Variants in TMPRSS5 observed in about 807,000 individuals in gnomAD.
TMPRSS5 encodes the protein transmembrane serine protease 5.
In TMPRSS5, 45 loss-of-function variants were observed where a neutral mutation model predicts 59.7. That is an observed-to-expected ratio of 0.75 (90% CI 0.59 to 0.97). The LOEUF is 0.97. Among genes scored for constraint, TMPRSS5 ranks in the 50% least tolerant of loss-of-function variants. TMPRSS5 has a pLI of 0.00. For missense variants in TMPRSS5, 585 were observed against 596.7 expected (o/e 0.98, Z 0.20); for synonymous variants, 225 against 232.0 (o/e 0.97, Z 0.27).
Position 113,688,186 on chromosome 11 carries a change from A to C in TMPRSS5, c.*74T>G, listed in dbSNP as rs1433692654. 6.5e-7 allele frequency: 1 copy of C among 1,537,252 alleles called. No individual in the cohort carries two copies. Among genetic ancestry groups the C allele is most frequent in the Non-Finnish European group, 8.8e-7 (1 of 1,142,204 alleles). On this transcript the variant is annotated 3_prime_UTR_variant, in exon 13 of 13. Coordinates refer to ENST00000299882, the MANE Select transcript of TMPRSS5 (RefSeq NM_030770.4). The stretch of plus-strand genomic sequence containing the variant: ...TGTCGGAGGCTACTGCCTCTCCTCC[A>C]TTAGTGGAGCTGCTGGAGGCCCCAG...
In TMPRSS5 at chr11:113,690,940, C is replaced by T. The variant is rs951272254; in HGVS notation, c.965-1G>A. 2 of 1,580,984 alleles carry T rather than the reference C, an allele frequency of 1.3e-6. No homozygotes were observed. Among genetic ancestry groups the T allele is most frequent in the Non-Finnish European group, 1.7e-6 (2 of 1,163,850 alleles). On this transcript the variant is annotated splice_acceptor_variant, in intron 9 of 12. Coordinates refer to ENST00000299882, the MANE Select transcript of TMPRSS5 (RefSeq NM_030770.4). LOFTEE classifies it high-confidence loss of function. The stretch of plus-strand genomic sequence containing the variant: ...GGCAGGCACACAGCGCCCACAGTGT[C>T]TGTAGAGAGGCACATGGTCCTGGTC...
At chr11:113,701,705 G>C (rs756917322) in intron 1 of TMPRSS5, among the ~76,000 whole-genome samples, 11 of 151,918 alleles carry the variant, frequency 7.2e-5, no homozygotes, top group Admixed American at 2.0e-4. Flanking sequence ...TCACTGATCT[G>C]TTTCTCTCAC....
chr11:113,700,685 C>T (rs1181032714), intron 1 of TMPRSS5, among the ~76,000 whole-genome samples: 3 of 152,190 alleles, frequency 2.0e-5, no homozygotes, highest in Admixed American at 1.3e-4. Context: ...GACCACTCCC[C>T]ACTCTGACTG....
At chr11:113,695,288 G>T in intron 7 of TMPRSS5, 112 bp downstream of exon 7, 1 of 1,188,810 alleles carries the variant, frequency 8.4e-7, no homozygotes. Flanking sequence ...AGGTGGGCAA[G>T]ACCCCTACCC....
At chr11:113,693,398 T>A (rs940664345) in intron 8 of TMPRSS5, 149 bp from the exon 9 acceptor site, 1 of 810,632 alleles carries the variant, frequency 1.2e-6, no homozygotes, top group African/African-American at 1.7e-5. Context: ...AGACTATGCC[T>A]CTTAGTATCA....
chr11:113,693,191 C>T lies in TMPRSS5; in HGVS notation c.844G>A (p.Ala282Thr). 6.2e-7 allele frequency: 1 copy of T among 1,600,174 alleles called. No homozygotes were observed. Among genetic ancestry groups the T allele is most frequent in the Non-Finnish European group, 8.5e-7 (1 of 1,173,376 alleles). The change falls in exon 9 of 13, where the codon GCC (alanine) becomes ACC (threonine). Residue 282 changes from alanine (A) to threonine (T), a missense_variant. Transcript: ENST00000299882. ...AGAGCCCCTTGGTGGGGCCTGACGG[C>T]ACTGTGGCTGACCAGCCCCGCATGA... ...RVHAGLVSHS[A>T]VRPHQGALVE...
intron 1 of TMPRSS5, among the ~76,000 whole-genome samples, chr11:113,705,944 T>C (rs17533620): frequency 0.042 from 6,453 of 152,296 alleles, 183 homozygotes; most frequent in Non-Finnish European, 0.065. Context: ...CTTGCTCCTC[T>C]TTTTGAGTGG....
chr11:113,690,866 G>T lies in TMPRSS5; in HGVS notation c.1038C>A (p.Gly346=). 1 of 1,593,884 alleles carries T rather than the reference G, an allele frequency of 6.3e-7. No homozygotes were observed. Among genetic ancestry groups the T allele is most frequent in the Admixed American group, 1.8e-5 (1 of 56,706 alleles). The stretch of plus-strand genomic sequence containing the variant: ...TATGGCTAGGGTGGGTGTGGCCCCA[G>T]CCAGACACCCAGCACCGCGAGCCCT... The part of the protein sequence containing the change: ...FPKGSRCWVS[G]WGHTHPSHTY... The change falls in exon 10 of 13, where the codon GGC becomes GGA. Residue 346 remains glycine (G), a synonymous_variant. Transcript: ENST00000299882.
At chr11:113,703,873 T>G (rs1441454865) in intron 1 of TMPRSS5, among the ~76,000 whole-genome samples, 1 of 152,328 alleles carries the variant, frequency 6.6e-6, no homozygotes, top group Non-Finnish European at 1.5e-5. Flanking sequence ...GAACTATGAG[T>G]CAATTAAATC....
At position 113,698,909 on chromosome 11, in the gene TMPRSS5, T is replaced by A. The variant is rs1953006651; in HGVS notation, c.324A>T (p.Lys108Asn). Residue 108 changes from lysine (K) to asparagine (N), a missense_variant, in exon 4 of 13, where the codon AAA becomes AAT. By Grantham distance (94) the Lys-to-Asn change is moderately conservative. Coordinates refer to ENST00000299882, the MANE Select transcript of TMPRSS5 (RefSeq NM_030770.4). ...AEEALLPALP[K>N]TVSFRINSED... ...AGCCTTAGGGGTGCAGCCCACCTGT[T>A]TTGGGAAGTGCAGGGAGCAGAGCTT... is the stretch of plus-strand genomic sequence containing the variant. 6.3e-7 allele frequency: 1 copy of A among 1,586,888 alleles called. No homozygotes were observed.
rs540052436 is a variant in TMPRSS5 at position 113,701,035 on chromosome 11, G to A, written c.4-867C>T. Among the ~76,000 whole-genome samples the A allele has an allele frequency of 3.9e-5, 6 of 152,304 alleles. No individual in the cohort carries two copies. In the South Asian group the frequency reaches 1.2e-3, roughly 32 times the overall value. The stretch of plus-strand genomic sequence containing the variant: ...GAAGGACATGTTTGCTTCCCCTTCT[G>A]CCATGATTGTAAGTTTCCTGAGGCC... On this transcript the variant is annotated intron_variant, in intron 1 of 12. Coordinates refer to ENST00000299882, the MANE Select transcript of TMPRSS5 (RefSeq NM_030770.4).
chr11:113,698,779 A>G, intron 4 of TMPRSS5, 126 bp downstream of exon 4: 1 of 1,128,774 alleles, frequency 8.9e-7, no homozygotes, highest in Non-Finnish European at 1.3e-6. Flanking sequence ...CTGCCCTCAC[A>G]CTAGAGGAGG....
intron 3 of TMPRSS5, among the ~76,000 whole-genome samples, 176 bp from the exon 4 acceptor site, chr11:113,699,203 G>GTCTC (rs1953020252): frequency 2.7e-5 from 1 of 36,422 alleles, no homozygotes; most frequent in Admixed American, 2.9e-4. Flanking sequence ...ACTCTCCTTT[G>GTCTC]TCTGTCTGTC....
chr11:113,695,142 AAG>A (rs1238933149), intron 7 of TMPRSS5, among the ~76,000 whole-genome samples: 1 of 152,188 alleles, frequency 6.6e-6, no homozygotes, highest in Non-Finnish European at 1.5e-5. Context: ...GAGGCCAAGG[AAG>A]AGAGTGGCAG....
Position 113,690,861 on chromosome 11 carries a change from C to T in TMPRSS5, c.1043G>A (p.Gly348Asp), listed in dbSNP as rs868666039. 1.4e-5 allele frequency: 22 copies of T among 1,591,386 alleles called. 1 individual carries two copies. The highest frequency in any genetic ancestry group is 1.7e-4 in the Middle Eastern group (1 of 6,034). Residue 348 changes from glycine to aspartate, a missense_variant, in exon 10 of 13, where the codon GGC becomes GAC. Physicochemically the swap from Gly to Asp is moderately conservative, Grantham distance 94. Transcript: ENST00000299882. ...CTCACTATGGCTAGGGTGGGTGTGG[C>T]CCCAGCCAGACACCCAGCACCGCGA... ...KGSRCWVSGW[G>D]HTHPSHTYSS...
chr11:113,690,314 T>C lies in TMPRSS5; in HGVS notation c.1123A>G (p.Asn375Asp). ...GCTCCGCTGTACACGCAAGAGCTGT[T>C]GCAGAGCTGAGTGCTGAACAAGGGC... is the stretch of plus-strand genomic sequence containing the variant. ...VVPLFSTQLC[N>D]SSCVYSGALT... Residue 375 changes from asparagine to aspartate, a missense_variant, in exon 11 of 13, where the codon AAC (asparagine) becomes GAC (aspartate). By Grantham distance (23) the Asn-to-Asp change is conservative. Transcript: ENST00000299882. The C allele has an allele frequency of 6.2e-7, 1 of 1,600,374 alleles. No individual in the cohort carries two copies. The highest frequency in any genetic ancestry group is 1.1e-5 in the South Asian group (1 of 87,466).
At chr11:113,696,999 A>G (rs1365729367) in intron 5 of TMPRSS5, 28 bp from the exon 6 acceptor site, 3 of 1,494,948 alleles carry the variant, frequency 2.0e-6, no homozygotes, top group African/African-American at 2.8e-5. Context: ...ATAGAACAGG[A>G]GGAAATCATA....
At chr11:113,690,969 A>G (rs1952763922) in intron 9 of TMPRSS5, 30 bp from the exon 10 acceptor site, 1 of 1,554,702 alleles carries the variant, frequency 6.4e-7, no homozygotes, top group East Asian at 2.4e-5. Context: ...CCTGGTCCCC[A>G]GTCAGGCTTG....
chr11:113,706,122 G>A (rs1953284640), intron 1 of TMPRSS5, 100 bp downstream of exon 1: 24 of 1,416,158 alleles, frequency 1.7e-5, no homozygotes, highest in Non-Finnish European at 2.2e-5. Context: ...GCTGCCTCAG[G>A]AGGCTCTTTC....
Sources: allele counts gnomAD v4.1 joint callset (sites outside exome capture counted in the v4.1 genomes callset), GRCh38; gene constraint gnomAD v4.1.1; transcripts MANE v1.5; gene names NCBI Gene and HGNC (gene_info 2026-07-23, HGNC 2026-07-21).